The following ARHGEF12 variants were observed in gnomAD, a reference collection of about 807,000 sequenced individuals.
The protein encoded by ARHGEF12 is KMT2A/ARHGEF12 fusion protein.
Under a neutral mutation model 211.2 loss-of-function variants are expected in ARHGEF12, and 66 were observed. The ratio of observed to expected loss-of-function variants is 0.31; its 90% CI spans 0.26 to 0.38. The LOEUF is 0.38. Among genes scored for constraint, ARHGEF12 ranks in the 10% least tolerant of loss-of-function variants. ARHGEF12 has a pLI of 1.00. For synonymous variants in ARHGEF12, 592 were observed against 638.4 expected, an observed-to-expected ratio of 0.93 and a Z score of 1.09; for missense variants, 1,429 against 1,869.5, an observed-to-expected ratio of 0.76 and a Z score of 4.34.
chr11:120,448,242 T>C lies in ARHGEF12; in HGVS notation c.1631T>C (p.Met544Thr). ...CGTCCTTTCTCCTCCAGCTCCACCA[T>C]GCAGTATGTTATTCTCATGTATATG... ...QAVEEDKSST[M>T]QYVILMYMKH... Residue 544 changes from methionine to threonine, a missense_variant, in exon 20 of 41, where the codon ATG (methionine) becomes ACG (threonine). Around this residue, in one of 7 missense-constraint regions of ARHGEF12, gnomAD observed 373 missense variants for 467.5 expected, o/e 0.80. Transcript: ENST00000397843. 1.9e-6 allele frequency: 3 copies of C among 1,612,650 alleles called. No individual in the cohort carries two copies. The highest frequency in any genetic ancestry group is 1.7e-6 in the Non-Finnish European group (2 of 1,178,858).
At chr11:120,337,962 T>C (rs1367119991) in intron 1 of ARHGEF12, 3 of 942,962 alleles carry the variant, frequency 3.2e-6, no homozygotes, top group African/African-American at 3.6e-5. Flanking sequence ...GTAAGCATAG[T>C]GTAAGCGCGC....
chr11:120,384,503 G>A (rs1160017886), intron 1 of ARHGEF12, among the ~76,000 whole-genome samples: 1 of 152,194 alleles, frequency 6.6e-6, no homozygotes, highest in Admixed American at 6.5e-5. Context: ...TCTTAGTATA[G>A]CAATGCATTT....
intron 37 of ARHGEF12, among the ~76,000 whole-genome samples, 194 bp downstream of exon 37, chr11:120,478,583 G>C (rs1163710758): frequency 1.3e-5 from 2 of 152,084 alleles, no homozygotes; most frequent in Non-Finnish European, 2.9e-5. Flanking sequence ...CCCCCTGCCT[G>C]GTTCAGAATC....
At chr11:120,469,918 G>T (rs890729147) in intron 30 of ARHGEF12, among the ~76,000 whole-genome samples, 2 of 152,216 alleles carry the variant, frequency 1.3e-5, no homozygotes, top group African/African-American at 4.8e-5. Context: ...TGAAGGATGA[G>T]TGGAAGTGAA....
Position 120,429,744 on chromosome 11 carries a change from C to G in ARHGEF12, c.696C>G (p.Ala232=). The G allele has an allele frequency of 6.2e-7, 1 of 1,613,508 alleles. No individual in the cohort carries two copies. The highest frequency in any genetic ancestry group is 8.5e-7 in the Non-Finnish European group (1 of 1,179,762). ...LLQEDYNRTP[A]QRLLKEIQEA... ...AGGAAGATTACAACCGAACACCTGC[C>G]CAAAGATTGCTAAAAGAGATCCAAG... Residue 232 remains alanine, a synonymous_variant, in exon 10 of 41, where the codon GCC becomes GCG. Coordinates refer to ENST00000397843, the MANE Select transcript of ARHGEF12 (RefSeq NM_015313.3).
chr11:120,474,495 A>G (rs1156346097), intron 31 of ARHGEF12, 65 bp from the exon 32 acceptor site: 5 of 1,115,664 alleles, frequency 4.5e-6, no homozygotes, highest in Non-Finnish European at 6.7e-6. Flanking sequence ...AGACTGTATT[A>G]TATAGATAAT....
chr11:120,428,591 A>G lies in ARHGEF12; in HGVS notation c.585+344A>G, dbSNP rs143264644. Reference sequence around the variant, plus strand: ...TACTGTTACGTTTCCAGTACCTGAAATATTGCTTAGCATGTAGAAGGTGCT... The same window carrying G: ...TACTGTTACGTTTCCAGTACCTGAAGTATTGCTTAGCATGTAGAAGGTGCT... On this transcript the variant is annotated intron_variant, in intron 8 of 40. Transcript: ENST00000397843. Among the ~76,000 whole-genome samples the G allele has an allele frequency of 4.9e-3, 743 of 152,304 alleles. 4 individuals are homozygous for G. Among genetic ancestry groups the G allele is most frequent in the Non-Finnish European group, 7.7e-3 (526 of 68,004 alleles).
At chr11:120,434,967 T>C (rs981575788) in intron 11 of ARHGEF12, among the ~76,000 whole-genome samples, 5 of 152,208 alleles carry the variant, frequency 3.3e-5, no homozygotes, top group Middle Eastern at 3.2e-3. Context: ...CATTCGTTTA[T>C]TAATATGTCT....
chr11:120,488,739 A>G lies in ARHGEF12; in HGVS notation c.*3662A>G, dbSNP rs1479347837. On this transcript the variant is annotated 3_prime_UTR_variant, in exon 41 of 41. Coordinates refer to ENST00000397843, the MANE Select transcript of ARHGEF12 (RefSeq NM_015313.3). The stretch of plus-strand genomic sequence containing the variant: ...CTAGAACATTTTATTTTCCTTGTTC[A>G]CCATACAATCATGTACTCTTTAACA... 1.1e-4 allele frequency: 23 copies of G among 216,720 alleles called. No individual in the cohort carries two copies. The highest frequency in any genetic ancestry group is 5.6e-5 in the Non-Finnish European group (6 of 107,402). 13.4% of individuals were successfully genotyped at this position (216,720 alleles called of 1,614,324 possible).
chr11:120,344,420 G>A (rs539037568), intron 1 of ARHGEF12, among the ~76,000 whole-genome samples: 24 of 152,172 alleles, frequency 1.6e-4, no homozygotes, highest in African/African-American at 5.3e-4. Flanking sequence ...AAGAAATCCT[G>A]TGAAGGTGCT....
intron 6 of ARHGEF12, among the ~76,000 whole-genome samples, chr11:120,423,101 T>C (rs929957628): frequency 9.2e-5 from 14 of 152,158 alleles, no homozygotes; most frequent in African/African-American, 2.7e-4. Context: ...GGGCAAAGAA[T>C]TTTATCAGGC....
At chr11:120,364,377 A>G (rs1943365788) in intron 1 of ARHGEF12, among the ~76,000 whole-genome samples, 1 of 152,240 alleles carries the variant, frequency 6.6e-6, no homozygotes. Flanking sequence ...AAATTGGTTT[A>G]AACTTACAGA....
At chr11:120,381,534 AG>A (rs1943878851) in intron 1 of ARHGEF12, among the ~76,000 whole-genome samples, 2 of 152,294 alleles carry the variant, frequency 1.3e-5, no homozygotes, top group South Asian at 2.1e-4. Context: ...TTGTTAGGTA[AG>A]CTCCTTTTTC....
At chr11:120,414,926 A>G (rs1289939148) in intron 4 of ARHGEF12, among the ~76,000 whole-genome samples, 2 of 152,178 alleles carry the variant, frequency 1.3e-5, no homozygotes, top group Non-Finnish European at 2.9e-5. Flanking sequence ...TTAACTTTTT[A>G]TACCAGTCTC....
At chr11:120,440,367 T>G in intron 13 of ARHGEF12, 146 bp downstream of exon 13, 1 of 638,254 alleles carries the variant, frequency 1.6e-6, no homozygotes, top group South Asian at 2.3e-5. Context: ...TTGGGTTAAT[T>G]GCTTATTTTA....
At chr11:120,442,350 T>G in intron 15 of ARHGEF12, 148 bp downstream of exon 15, 1 of 544,916 alleles carries the variant, frequency 1.8e-6, no homozygotes. Context: ...TCTAGACTTT[T>G]TTTTTTTTAT....
chr11:120,475,681 T>C (rs569614100), intron 33 of ARHGEF12, among the ~76,000 whole-genome samples, 174 bp downstream of exon 33: 1 of 151,054 alleles, frequency 6.6e-6, no homozygotes, highest in Non-Finnish European at 1.5e-5. Flanking sequence ...TACCCCAAAG[T>C]TATTAGGGTG....
At chr11:120,354,325 A>C (rs1008837448) in intron 1 of ARHGEF12, among the ~76,000 whole-genome samples, 1 of 152,156 alleles carries the variant, frequency 6.6e-6, no homozygotes, top group Non-Finnish European at 1.5e-5. Context: ...CCCTGACATC[A>C]TAACTCTCCC....
chr11:120,435,718 G>T (rs538884708), intron 11 of ARHGEF12, among the ~76,000 whole-genome samples: 8 of 151,602 alleles, frequency 5.3e-5, no homozygotes, highest in African/African-American at 1.7e-4. Context: ...GGGTTTCACC[G>T]TGTTAGCCAG....
Sources: allele counts gnomAD v4.1 joint callset (sites outside exome capture counted in the v4.1 genomes callset), GRCh38; gene constraint gnomAD v4.1.1; regional missense constraint gnomAD v4.1.1; transcripts MANE v1.5; gene names NCBI Gene and HGNC (gene_info 2026-07-23, HGNC 2026-07-21).